The following COL24A1 variants were observed in gnomAD, a reference collection of about 807,000 sequenced individuals.
COL24A1 encodes collagen alpha-1(XXIV) chain.
Under a neutral mutation model 253.9 loss-of-function variants are expected in COL24A1, and 224 were observed. That is an observed-to-expected ratio of 0.88 (90% CI 0.79 to 0.99). COL24A1 has a LOEUF of 0.99. Among genes scored for constraint, COL24A1 ranks in the 50% least tolerant of loss-of-function variants. COL24A1 has a pLI of 0.00. For missense variants in COL24A1, 2,131 were observed against 2,068.5 expected (o/e 1.03, Z -0.59); for synonymous variants, 685 against 673.7 (o/e 1.02, Z -0.26).
chr1:86,119,702 G>A (rs1373362022), intron 3 of COL24A1, among the ~76,000 whole-genome samples: 1 of 152,094 alleles, frequency 6.6e-6, no homozygotes, highest in Non-Finnish European at 1.5e-5. Flanking sequence ...ACTTCCCTAT[G>A]CCTCTCCATA....
chr1:85,915,381 G>A (rs915256656), intron 24 of COL24A1, among the ~76,000 whole-genome samples: 8 of 152,108 alleles, frequency 5.3e-5, no homozygotes, highest in Non-Finnish European at 1.2e-4. Flanking sequence ...CTTTGAACTC[G>A]GACTGGAACT....
chr1:86,066,824 A>T (rs1481679136), intron 7 of COL24A1, among the ~76,000 whole-genome samples: 5 of 151,688 alleles, frequency 3.3e-5, no homozygotes, highest in African/African-American at 1.2e-4. Context: ...TCACTGAATA[A>T]AAAACAAAGC....
At chr1:86,022,739 C>G in intron 16 of COL24A1, 94 bp downstream of exon 16, 1 of 1,231,352 alleles carries the variant, frequency 8.1e-7, no homozygotes, top group South Asian at 2.0e-5. Flanking sequence ...AAATTAGACT[C>G]CATAAAAACA....
chr1:85,802,650 CTAT>C (rs1172474088), intron 47 of COL24A1, among the ~76,000 whole-genome samples: 1 of 152,036 alleles, frequency 6.6e-6, no homozygotes, highest in Non-Finnish European at 1.5e-5. Context: ...ATAAATATAC[CTAT>C]TAAACCATCA....
intron 27 of COL24A1, 115 bp from the exon 28 acceptor site, chr1:85,907,362 T>C: frequency 1.3e-6 from 1 of 782,184 alleles, no homozygotes; most frequent in East Asian, 2.5e-5. Flanking sequence ...TACAATTGAT[T>C]AGTCTTCCTT....
Position 85,775,717 on chromosome 1 carries a change from A to G in COL24A1, c.4339-8T>C, listed in dbSNP as rs1379830483. The G allele has an allele frequency of 2.1e-6, 3 of 1,406,210 alleles. No individual in the cohort carries two copies. Among genetic ancestry groups the G allele is most frequent in the Admixed American group, 2.1e-5 (1 of 48,674 alleles). 87.1% of individuals were successfully genotyped at this position (1,406,210 alleles called of 1,614,324 possible). On this transcript the variant is annotated splice_region_variant and splice_polypyrimidine_tract_variant and intron_variant, in intron 52 of 59. Transcript: ENST00000370571. ...CTTTTCACCTCTGGGTCCCTAAAAG[A>G]AAAAAAAAAGATGTTAGTTCATTGT...
chr1:85,853,894 A>T (rs1049117325), intron 37 of COL24A1, among the ~76,000 whole-genome samples: 1 of 152,014 alleles, frequency 6.6e-6, no homozygotes. Flanking sequence ...ATTTGCAAAA[A>T]CTATCTCCTG....
At chr1:85,994,357 AT>A (rs1156261883) in intron 19 of COL24A1, among the ~76,000 whole-genome samples, 1 of 151,964 alleles carries the variant, frequency 6.6e-6, no homozygotes, top group Non-Finnish European at 1.5e-5. Context: ...CAAATTAAAA[AT>A]AAATCCTATT....
intron 43 of COL24A1, among the ~76,000 whole-genome samples, chr1:85,828,623 T>A (rs1473840927): frequency 1.7e-3 from 255 of 147,750 alleles, no homozygotes; most frequent in African/African-American, 6.1e-3. Flanking sequence ...TGGGTGCATA[T>A]ATATTTAGGA....
chr1:85,957,084 A>C (rs1168523712), intron 24 of COL24A1, among the ~76,000 whole-genome samples: 1 of 152,190 alleles, frequency 6.6e-6, no homozygotes, highest in African/African-American at 2.4e-5. Flanking sequence ...GCAAACTAAC[A>C]GAGGAACAGA....
intron 31 of COL24A1, among the ~76,000 whole-genome samples, chr1:85,894,155 T>C (rs1683417598): frequency 1.3e-5 from 2 of 152,178 alleles, no homozygotes; most frequent in African/African-American, 4.8e-5. Context: ...TTCTCCAAGA[T>C]GTCAATCCAA....
intron 24 of COL24A1, among the ~76,000 whole-genome samples, chr1:85,936,779 A>C (rs904425322): frequency 2.0e-5 from 3 of 147,202 alleles, no homozygotes; most frequent in African/African-American, 7.5e-5. Flanking sequence ...TGATGGGAAG[A>C]TCACAGTGCA....
intron 28 of COL24A1, among the ~76,000 whole-genome samples, chr1:85,896,626 T>A (rs996510286): frequency 6.6e-6 from 1 of 151,984 alleles, no homozygotes; most frequent in African/African-American, 2.4e-5. Flanking sequence ...TCCCCCTGAG[T>A]AGCTGGGACT....
chr1:85,755,694 C>A (rs1286300272), intron 55 of COL24A1, among the ~76,000 whole-genome samples: 1 of 152,032 alleles, frequency 6.6e-6, no homozygotes, highest in Admixed American at 6.6e-5. Context: ...TGAAGTTAGA[C>A]CCTTAACTTA....
intron 24 of COL24A1, among the ~76,000 whole-genome samples, chr1:85,941,386 G>C (rs572052664): frequency 3.3e-5 from 5 of 152,170 alleles, no homozygotes; most frequent in African/African-American, 1.2e-4. Context: ...AGCATGGTAT[G>C]GAGGATTATT....
chr1:85,828,723 T>G (rs1344352702), intron 43 of COL24A1, among the ~76,000 whole-genome samples: 3 of 110,648 alleles, frequency 2.7e-5, no homozygotes, highest in African/African-American at 9.6e-5. Flanking sequence ...AAAGTCTGTT[T>G]TATCAGAGAC....
intron 2 of COL24A1, among the ~76,000 whole-genome samples, chr1:86,135,448 G>A (rs1320477241): frequency 9.2e-5 from 14 of 151,794 alleles, no homozygotes; most frequent in South Asian, 2.1e-4. Flanking sequence ...TTAAAAATTC[G>A]TATTATGAGT....
intron 55 of COL24A1, among the ~76,000 whole-genome samples, chr1:85,755,759 CAA>C (rs1022835742): frequency 6.6e-6 from 1 of 151,932 alleles, no homozygotes; most frequent in Non-Finnish European, 1.5e-5. Context: ...CAAAATGAAT[CAA>C]AGACTTGAAC....
chr1:86,102,653 GAGA>G (rs1214895360), intron 5 of COL24A1, among the ~76,000 whole-genome samples: 1 of 152,132 alleles, frequency 6.6e-6, no homozygotes. Context: ...AGCTGTGCAG[GAGA>G]AGGTTATTTA....
Sources: gnomAD v4.1 joint callset for allele counts (sites outside exome capture counted in the v4.1 genomes callset) on GRCh38, gnomAD v4.1.1 for gene constraint, MANE v1.5 for transcripts, NCBI Gene and HGNC (gene_info 2026-07-23, HGNC 2026-07-21) for gene names.